The following BCL2L13 variants were observed in gnomAD, a reference collection of about 807,000 sequenced individuals.
The protein encoded by BCL2L13 is BCL2 like 13, also known as bcl-2-like protein 13.
A neutral mutation model predicts 25.8 loss-of-function variants in BCL2L13; 13 were observed. The ratio of observed to expected loss-of-function variants is 0.50; its 90% confidence interval spans 0.33 to 0.80. The LOEUF (loss-of-function observed/expected upper bound fraction) is 0.80. Among genes scored for constraint, BCL2L13 ranks in the 30% least tolerant of loss-of-function variants. The pLI is 0.02. For missense variants in BCL2L13, 504 were observed against 574.9 expected (o/e 0.88, Z 1.26); for synonymous variants, 244 against 230.3 (o/e 1.06, Z -0.54).
At chr22:17,681,029 C>T (rs5992090) in intron 2 of BCL2L13, among the ~76,000 whole-genome samples, 13,992 of 152,114 alleles carry the variant, frequency 0.092, 770 homozygotes, top group Non-Finnish European at 0.11. Flanking sequence ...TCTGTCGCAC[C>T]TCCATGCCCC....
At chr22:17,638,968 A>G (rs1451663005) in intron 1 of BCL2L13, 82 bp downstream of exon 1, 1 of 1,124,410 alleles carries the variant, frequency 8.9e-7, no homozygotes, top group South Asian at 4.7e-5. Context: ...CAGAGACCGT[A>G]TCGAGCCACC....
intron 4 of BCL2L13, among the ~76,000 whole-genome samples, chr22:17,695,437 T>G (rs748929876): frequency 6.6e-5 from 10 of 152,174 alleles, no homozygotes; most frequent in East Asian, 1.9e-4. Flanking sequence ...TTCCCCTGCC[T>G]TAGCCTCCCG....
At chr22:17,677,802 G>A (rs867648947) in intron 2 of BCL2L13, among the ~76,000 whole-genome samples, 1 of 151,980 alleles carries the variant, frequency 6.6e-6, no homozygotes, top group East Asian at 1.9e-4. Context: ...AACCCAGGAG[G>A]CAGAGGTTGC....
At chr22:17,718,489 G>T (rs568600095) in intron 6 of BCL2L13, among the ~76,000 whole-genome samples, 1 of 152,250 alleles carries the variant, frequency 6.6e-6, no homozygotes, top group African/African-American at 2.4e-5. Context: ...GCATTTGGTT[G>T]TGAGGTACTC....
intron 1 of BCL2L13, among the ~76,000 whole-genome samples, chr22:17,639,693 CCTTA>C (rs1366153890): frequency 6.6e-6 from 1 of 152,144 alleles, no homozygotes; most frequent in Non-Finnish European, 1.5e-5. Context: ...AGCCCTCCCT[CCTTA>C]CTTTTATTTT....
At chr22:17,671,476 G>A (rs1214491389) in intron 2 of BCL2L13, among the ~76,000 whole-genome samples, 4 of 151,376 alleles carry the variant, frequency 2.6e-5, no homozygotes, top group African/African-American at 9.7e-5. Flanking sequence ...CTGAGGCAGG[G>A]GAATCGCTTG....
At chr22:17,670,370 C>T (rs553053262) in intron 2 of BCL2L13, among the ~76,000 whole-genome samples, 45 of 117,448 alleles carry the variant, frequency 3.8e-4, no homozygotes, top group African/African-American at 1.5e-3. Flanking sequence ...TATCTCAAAT[C>T]AGCTTTTTTT....
chr22:17,646,953 ATATTTT>A (rs1311342975), intron 1 of BCL2L13, among the ~76,000 whole-genome samples: 14 of 21,622 alleles, frequency 6.5e-4, no homozygotes, highest in East Asian at 3.4e-3. Flanking sequence ...ATATATATAT[ATATTTT>A]TTTTTTTTTT....
chr22:17,635,086 C>T (rs1374175913), upstream of BCL2L13, among the ~76,000 whole-genome samples: 4 of 152,078 alleles, frequency 2.6e-5, no homozygotes, highest in Admixed American at 2.6e-4. Flanking sequence ...TAAAATCTGT[C>T]CAAAACTCCC....
At chr22:17,694,764 T>G (rs1275457622) in intron 4 of BCL2L13, among the ~76,000 whole-genome samples, 1 of 152,130 alleles carries the variant, frequency 6.6e-6, no homozygotes, top group East Asian at 1.9e-4. Context: ...ACAACTGTGG[T>G]GAGGTGCCAT....
At chr22:17,666,877 G>A (rs1246419100) in intron 2 of BCL2L13, among the ~76,000 whole-genome samples, 2 of 151,794 alleles carry the variant, frequency 1.3e-5, no homozygotes, top group South Asian at 2.1e-4. Flanking sequence ...TAGTAGAGAC[G>A]GGGTTTCACC....
At position 17,675,372 on chromosome 22, in the gene BCL2L13, T is replaced by C. The variant is rs5992785; in HGVS notation, c.122-7842T>C. 1.4e-3 allele frequency among the ~76,000 whole-genome samples: 208 copies of C among 152,184 alleles called. 1 individual carries two copies. The highest frequency in any genetic ancestry group is 4.4e-3 in the African/African-American group (184 of 41,526). On this transcript the variant is annotated intron_variant, in intron 2 of 6. Coordinates refer to ENST00000317582, the MANE Select transcript of BCL2L13 (RefSeq NM_015367.4). ...AAACCTTGTAGAAAAATGGATCCAA[T>C]AGGTTATATTATCTGCAAGAAGTCT...
intron 4 of BCL2L13, among the ~76,000 whole-genome samples, chr22:17,691,960 CTCTT>C (rs1356161656): frequency 6.6e-6 from 1 of 152,144 alleles, no homozygotes; most frequent in African/African-American, 2.4e-5. Context: ...AAAGTCAGGT[CTCTT>C]TCTTTTTTCA....
intron 6 of BCL2L13, among the ~76,000 whole-genome samples, chr22:17,710,957 A>G (rs756924935): frequency 3.6e-4 from 55 of 152,240 alleles, no homozygotes; most frequent in Non-Finnish European, 6.5e-4. Flanking sequence ...AGTTGTGATC[A>G]GACAAACTTG....
chr22:17,675,264 A>T (rs1464305169), intron 2 of BCL2L13, among the ~76,000 whole-genome samples: 1 of 152,156 alleles, frequency 6.6e-6, no homozygotes, highest in Non-Finnish European at 1.5e-5. Context: ...AATGTTGTCA[A>T]TATCGGCCAG....
chr22:17,629,462 A>G (rs2057957977), intron 1 of BCL2L13, among the ~76,000 whole-genome samples: 1 of 152,118 alleles, frequency 6.6e-6, no homozygotes, highest in South Asian at 2.1e-4. Context: ...ATATTTTTCA[A>G]AAGCCTTCCC....
intron 6 of BCL2L13, among the ~76,000 whole-genome samples, chr22:17,724,862 T>A (rs2061251385): frequency 6.6e-6 from 1 of 152,260 alleles, no homozygotes; most frequent in South Asian, 2.1e-4. Context: ...TATTGCGCCT[T>A]ACCCTCTGGG....
In BCL2L13 at chr22:17,726,955, A is replaced by C; in HGVS notation, c.879A>C (p.Gly293=). ...AAGTGAAAAGCTTAGACAGCAACGG[A>C]GCTGGAGAGAAGAGTGAGAACAACT... ...PEEVKSLDSN[G]AGEKSENNSS... is the part of the protein sequence containing the mutation. Residue 293 remains glycine (G), a synonymous_variant, in exon 7 of 7, where the codon GGA becomes GGC. Coordinates refer to ENST00000317582, the MANE Select transcript of BCL2L13 (RefSeq NM_015367.4). 3.7e-6 allele frequency: 6 copies of C among 1,614,216 alleles called. No homozygotes were observed. The highest frequency in any genetic ancestry group is 5.1e-6 in the Non-Finnish European group (6 of 1,180,046).
At chr22:17,693,329 G>A (rs1433236154) in intron 4 of BCL2L13, among the ~76,000 whole-genome samples, 2 of 144,496 alleles carry the variant, frequency 1.4e-5, no homozygotes, top group South Asian at 2.1e-4. Flanking sequence ...ATGCCTTTGG[G>A]GTAGTTTATT....
Sources: gnomAD v4.1 joint callset for allele counts (sites outside exome capture counted in the v4.1 genomes callset) on GRCh38, gnomAD v4.1.1 for gene constraint, MANE v1.5 for transcripts, NCBI Gene and HGNC (gene_info 2026-07-23, HGNC 2026-07-21) for gene names.